Variants in CASP8 observed in about 807,000 individuals in gnomAD.
CASP8 encodes the protein caspase 8, also known as caspase-8.
A neutral mutation model predicts 46.3 loss-of-function variants in CASP8; 24 were observed. The observed-to-expected ratio is 0.52, with a 90% CI of 0.38 to 0.73. CASP8 has a LOEUF of 0.73. Ranked by LOEUF, CASP8 falls within the 30% of genes least tolerant of loss-of-function variation. CASP8 has a pLI of 0.00. For synonymous variants in CASP8, 188 were observed against 200.4 expected, an observed-to-expected ratio of 0.94 and a Z score of 0.52; for missense variants, 460 against 559.0, an observed-to-expected ratio of 0.82 and a Z score of 1.79.
At position 201,285,219 on chromosome 2, in the gene CASP8, G is replaced by A. The variant is rs2125489113; in HGVS notation, c.1206G>A (p.Gly402=). ...CGGATGAGGCTGACTTTCTGCTGGG[G>A]ATGGCCACTGTGAATAACTGTGTTT... is the stretch of plus-strand genomic sequence containing the variant. ...YIPDEADFLL[G]MATVNNCVSY... is the part of the protein sequence containing the mutation. The change falls in exon 8 of 9, where the codon GGG becomes GGA. Residue 402 remains glycine, a synonymous_variant. Coordinates refer to ENST00000673742, the MANE Select transcript of CASP8 (RefSeq NM_001372051.1). The A allele has an allele frequency of 6.2e-7, 1 of 1,614,194 alleles. No homozygotes were observed. The highest frequency in any genetic ancestry group is 8.5e-7 in the Non-Finnish European group (1 of 1,180,044).
upstream of CASP8, chr2:201,258,453 GA>G: frequency 6.3e-7 from 1 of 1,587,854 alleles, no homozygotes; most frequent in Non-Finnish European, 8.6e-7. Context: ...ACTTGCTCTA[GA>G]AACAGGGCTG....
intron 8 of CASP8, 43 bp downstream of exon 8, chr2:201,285,360 TC>T (rs752277547): frequency 1.7e-5 from 27 of 1,604,890 alleles, no homozygotes; most frequent in East Asian, 4.5e-5. Context: ...TACACTACCT[TC>T]CCCCCCTACT....
At chr2:201,237,283 G>A (rs2124857308) in intron 2 of CASP8, among the ~76,000 whole-genome samples, 1 of 151,012 alleles carries the variant, frequency 6.6e-6, no homozygotes, top group African/African-American at 2.4e-5. Context: ...TAGAGATGGG[G>A]TTTCAACATG....
intron 2 of CASP8, among the ~76,000 whole-genome samples, chr2:201,234,532 C>T (rs1406859789): frequency 6.6e-6 from 1 of 151,938 alleles, no homozygotes; most frequent in African/African-American, 2.4e-5. Flanking sequence ...TCACTGATAT[C>T]TCCGCCTCCC....
intron 1 of CASP8, among the ~76,000 whole-genome samples, chr2:201,264,978 G>A (rs1383297660): frequency 1.3e-5 from 2 of 152,216 alleles, no homozygotes; most frequent in Admixed American, 1.3e-4. Context: ...CATGATCGCA[G>A]TGGGGTGGGA....
At chr2:201,281,933 C>CTTTTTTTTTTTTTTTTTTTTTTTTTTT (rs540286536) in intron 7 of CASP8, 1 of 224,596 alleles carries the variant, frequency 4.5e-6, no homozygotes, top group African/African-American at 4.9e-5. Context: ...GGTTCAAATT[C>CTTTTTTTTTTTTTTTTTTTTTTTTTTT]TTTTTTTTTT....
intron 7 of CASP8, among the ~76,000 whole-genome samples, chr2:201,283,507 G>C (rs1949288259): frequency 1.2e-5 from 1 of 81,786 alleles, no homozygotes; most frequent in African/African-American, 4.2e-5. Flanking sequence ...TCACTTCCCA[G>C]TAGGGGCGGC....
intron 2 of CASP8, among the ~76,000 whole-genome samples, chr2:201,252,132 A>G (rs1946814621): frequency 6.6e-6 from 1 of 152,158 alleles, no homozygotes; most frequent in African/African-American, 2.4e-5. Context: ...ACATCTTTTC[A>G]TATGCTTATT....
chr2:201,253,346 A>G (rs1303825917), intron 2 of CASP8, among the ~76,000 whole-genome samples: 1 of 107,658 alleles, frequency 9.3e-6, no homozygotes, highest in African/African-American at 3.6e-5. Flanking sequence ...CTAGTGCTGT[A>G]TGTAGGTTAC....
chr2:201,264,905 G>A (rs940972973), intron 1 of CASP8, among the ~76,000 whole-genome samples: 9 of 152,236 alleles, frequency 5.9e-5, no homozygotes, highest in African/African-American at 1.9e-4. Flanking sequence ...TAGTGAGAGG[G>A]TAGTTTGTCA....
upstream of CASP8, among the ~76,000 whole-genome samples, chr2:201,259,493 G>A (rs1001332227): frequency 1.3e-5 from 2 of 152,112 alleles, no homozygotes; most frequent in East Asian, 1.9e-4. Flanking sequence ...GATATTATGA[G>A]GCCATCTTGA....
intron 7 of CASP8, among the ~76,000 whole-genome samples, chr2:201,280,761 G>A (rs933322818): frequency 7.2e-5 from 11 of 152,300 alleles, no homozygotes; most frequent in South Asian, 2.1e-4. Context: ...CAGCCAGTTG[G>A]TATTACAGCA....
intron 2 of CASP8, among the ~76,000 whole-genome samples, chr2:201,243,242 A>T (rs1286687897): frequency 6.6e-6 from 1 of 152,214 alleles, no homozygotes; most frequent in Non-Finnish European, 1.5e-5. Flanking sequence ...TCTTACTACA[A>T]TAAAATATAA....
At chr2:201,259,165 A>ATTTC (rs1947212811), upstream of CASP8, among the ~76,000 whole-genome samples, 1 of 151,848 alleles carries the variant, frequency 6.6e-6, no homozygotes, top group Non-Finnish European at 1.5e-5. Context: ...TTCTGTTTCT[A>ATTTC]TTTCTTTTTT....
At chr2:201,240,726 AC>A (rs1444768710) in intron 2 of CASP8, 1 of 152,220 alleles carries the variant, frequency 6.6e-6, no homozygotes, top group Non-Finnish European at 1.5e-5. Context: ...AGTAGAACAC[AC>A]ATTATCCTCA....
chr2:201,248,557 C>T (rs949276335), intron 2 of CASP8, among the ~76,000 whole-genome samples: 2 of 152,186 alleles, frequency 1.3e-5, no homozygotes, highest in African/African-American at 4.8e-5. Context: ...TATTAAAGGG[C>T]TGAGATGCAG....
At chr2:201,281,887 A>G in intron 7 of CASP8, 2 of 1,489,892 alleles carry the variant, frequency 1.3e-6, no homozygotes, top group South Asian at 2.4e-5. Context: ...TGCAGAATCC[A>G]GCTACGAATA....
At chr2:201,250,057 G>A (rs1182247262) in intron 2 of CASP8, among the ~76,000 whole-genome samples, 1 of 152,204 alleles carries the variant, frequency 6.6e-6, no homozygotes, top group Non-Finnish European at 1.5e-5. Flanking sequence ...TTTGATAAAG[G>A]GTGGACAGTT....
At chr2:201,248,773 T>C (rs1443743816) in intron 2 of CASP8, among the ~76,000 whole-genome samples, 1 of 152,240 alleles carries the variant, frequency 6.6e-6, no homozygotes, top group Non-Finnish European at 1.5e-5. Flanking sequence ...AAGCTCTTAA[T>C]TCTAAAATGG....
Sources: gnomAD v4.1 joint callset for allele counts (sites outside exome capture counted in the v4.1 genomes callset) on GRCh38, gnomAD v4.1.1 for gene constraint, MANE v1.5 for transcripts, NCBI Gene and HGNC (gene_info 2026-07-23, HGNC 2026-07-21) for gene names.